Variants in PDE3B observed in about 807,000 individuals in gnomAD.
The protein encoded by PDE3B is phosphodiesterase 3B.
A neutral mutation model predicts 116.8 loss-of-function variants in PDE3B; 66 were observed. That is an observed-to-expected ratio of 0.56 (90% CI 0.46 to 0.69). The LOEUF (loss-of-function observed/expected upper bound fraction) is 0.69. Ranked by LOEUF, PDE3B falls within the 30% of genes least tolerant of loss-of-function variation. PDE3B has a pLI of 0.00. For missense variants in PDE3B, 1,384 were observed against 1,368.1 expected, an observed-to-expected ratio of 1.01 and a Z score of -0.18; for synonymous variants, 595 against 533.6, an observed-to-expected ratio of 1.12 and a Z score of -1.59.
At chr11:14,833,617 TTA>T (rs1157974359) in intron 10 of PDE3B, among the ~76,000 whole-genome samples, 2 of 152,200 alleles carry the variant, frequency 1.3e-5, no homozygotes, top group African/African-American at 4.8e-5. Context: ...TTAATGGCTA[TTA>T]TATATTATGT....
At chr11:14,847,138 GTC>G (rs1382417744) in intron 12 of PDE3B, among the ~76,000 whole-genome samples, 6 of 152,110 alleles carry the variant, frequency 3.9e-5, no homozygotes, top group Non-Finnish European at 8.8e-5. Context: ...ATGGCAAACT[GTC>G]TCTCAGACCA....
chr11:14,701,778 A>G (rs1273247077), intron 1 of PDE3B, among the ~76,000 whole-genome samples: 2 of 151,516 alleles, frequency 1.3e-5, no homozygotes, highest in Non-Finnish European at 3.0e-5. Flanking sequence ...TTATTTGTGA[A>G]CTAAGTAGTT....
At chr11:14,766,362 C>T (rs1857498254) in intron 1 of PDE3B, among the ~76,000 whole-genome samples, 1 of 151,528 alleles carries the variant, frequency 6.6e-6, no homozygotes, top group Non-Finnish European at 1.5e-5. Context: ...AACATGGACT[C>T]CAGAATTAAG....
chr11:14,731,063 A>G (rs1475235022), intron 1 of PDE3B, among the ~76,000 whole-genome samples: 1 of 152,146 alleles, frequency 6.6e-6, no homozygotes, highest in African/African-American at 2.4e-5. Flanking sequence ...TTAGATACCC[A>G]TATTCCAATT....
chr11:14,858,619 T>C (rs1327283195), intron 12 of PDE3B, among the ~76,000 whole-genome samples: 2 of 152,174 alleles, frequency 1.3e-5, no homozygotes, highest in African/African-American at 2.4e-5. Flanking sequence ...ACCATCACCA[T>C]TGACTCCAGA....
intron 1 of PDE3B, among the ~76,000 whole-genome samples, chr11:14,707,419 C>T (rs973963669): frequency 1.3e-5 from 2 of 151,928 alleles, no homozygotes; most frequent in African/African-American, 4.8e-5. Context: ...CACAGATAGC[C>T]TTGGGCATCA....
intron 15 of PDE3B, among the ~76,000 whole-genome samples, chr11:14,868,284 T>C (rs937453822): frequency 2.0e-5 from 3 of 152,212 alleles, no homozygotes; most frequent in Non-Finnish European, 4.4e-5. Context: ...TCTGAACATA[T>C]GTGAGGTGGA....
intron 1 of PDE3B, among the ~76,000 whole-genome samples, chr11:14,689,290 C>T (rs541546012): frequency 5.8e-4 from 88 of 151,976 alleles, no homozygotes; most frequent in Middle Eastern, 3.4e-3. Flanking sequence ...GCAGGGTAGA[C>T]GTTATCTAGG....
intron 11 of PDE3B, among the ~76,000 whole-genome samples, chr11:14,838,575 T>G (rs1590184196): frequency 6.6e-6 from 1 of 152,228 alleles, no homozygotes. Context: ...TTACCTCACT[T>G]GAGATTCTTG....
At chr11:14,682,206 G>T (rs1854731048) in intron 1 of PDE3B, among the ~76,000 whole-genome samples, 1 of 152,168 alleles carries the variant, frequency 6.6e-6, no homozygotes, top group East Asian at 1.9e-4. Context: ...GGGTGGCAGA[G>T]GCAGAGGAAA....
intron 1 of PDE3B, among the ~76,000 whole-genome samples, chr11:14,697,993 C>A (rs992769806): frequency 1.3e-5 from 2 of 151,936 alleles, no homozygotes; most frequent in Non-Finnish European, 2.9e-5. Flanking sequence ...CCTTTTATTG[C>A]CTGTTTTCCT....
chr11:14,764,715 G>A (rs1857449045), intron 1 of PDE3B, among the ~76,000 whole-genome samples: 1 of 151,954 alleles, frequency 6.6e-6, no homozygotes, highest in Non-Finnish European at 1.5e-5. Flanking sequence ...TTCTAATAAA[G>A]ATGAAAAGGG....
downstream of PDE3B, among the ~76,000 whole-genome samples, chr11:14,874,715 C>G (rs1413955852): frequency 6.6e-6 from 1 of 152,092 alleles, no homozygotes; most frequent in African/African-American, 2.4e-5. Context: ...AAGCAAAGAG[C>G]TTATTCTGTG....
intron 1 of PDE3B, among the ~76,000 whole-genome samples, chr11:14,707,599 G>A (rs1443015959): frequency 6.6e-6 from 1 of 151,924 alleles, no homozygotes; most frequent in Non-Finnish European, 1.5e-5. Context: ...TGTATGCCGT[G>A]GGGAGAAACC....
In PDE3B at chr11:14,661,646, C is replaced by A. The variant is rs532170092; in HGVS notation, c.978+16593C>A. ...GACGGGCTTAAAAAACGGCGCACCA[C>A]AAGATTATATCCCGCACCTGGCTCG... On this transcript the variant is annotated intron_variant, in intron 1 of 15. Transcript: ENST00000282096. 8.5e-5 allele frequency among the ~76,000 whole-genome samples: 13 copies of A among 152,306 alleles called. No individual in the cohort carries two copies. In the South Asian group the frequency reaches 2.7e-3, roughly 32 times the overall value.
intron 5 of PDE3B, among the ~76,000 whole-genome samples, chr11:14,812,729 A>G (rs984837652): frequency 6.6e-6 from 1 of 152,230 alleles, no homozygotes; most frequent in African/African-American, 2.4e-5. Context: ...CTTTACTGGT[A>G]AATTCTTCCC....
chr11:14,833,142 G>A (rs570077196), intron 10 of PDE3B, among the ~76,000 whole-genome samples: 1 of 152,018 alleles, frequency 6.6e-6, no homozygotes, highest in South Asian at 2.1e-4. Flanking sequence ...TAGTAGAGAT[G>A]GGGTTTCACC....
In PDE3B at chr11:14,667,677, G is replaced by A. The variant is rs111724009; in HGVS notation, c.978+22624G>A. On this transcript the variant is annotated intron_variant, in intron 1 of 15. Coordinates refer to ENST00000282096, the MANE Select transcript of PDE3B (RefSeq NM_000922.4). ...CACAGGAAGGGGAACATGACACAAC[G>A]GGGACTGTTGTGGGGTTGGGGGAGG... Among the ~76,000 whole-genome samples, 863 of 151,196 alleles carry A rather than the reference G, an allele frequency of 5.7e-3. 8 individuals carry two copies. The highest frequency in any genetic ancestry group is 0.02 in the African/African-American group (832 of 41,238).
chr11:14,682,728 A>G (rs1854748198), intron 1 of PDE3B, among the ~76,000 whole-genome samples: 1 of 151,414 alleles, frequency 6.6e-6, no homozygotes, highest in Non-Finnish European at 1.5e-5. Flanking sequence ...TTGATATTTT[A>G]TTAAGGATTT....
Sources: allele counts gnomAD v4.1 joint callset (sites outside exome capture counted in the v4.1 genomes callset), GRCh38; gene constraint gnomAD v4.1.1; transcripts MANE v1.5; gene names NCBI Gene and HGNC (gene_info 2026-07-23, HGNC 2026-07-21).